The following LMAN2L variants were observed in gnomAD, a reference collection of about 807,000 sequenced individuals.
The protein encoded by LMAN2L is lectin, mannose binding 2 like, also known as VIP36-like protein.
LMAN2L carries 30 observed loss-of-function variants against 44.3 expected under a neutral mutation model. The observed-to-expected ratio is 0.68, with a 90% confidence interval of 0.51 to 0.92. LMAN2L has a LOEUF of 0.92. Among genes scored for constraint, LMAN2L ranks in the 40% least tolerant of loss-of-function variants. The pLI is 0.00. For synonymous variants in LMAN2L, 183 were observed against 171.1 expected, an observed-to-expected ratio of 1.07 and a Z score of -0.54; for missense variants, 429 against 446.1, an observed-to-expected ratio of 0.96 and a Z score of 0.35.
intron 4 of LMAN2L, among the ~76,000 whole-genome samples, chr2:96,725,790 G>T (rs535320866): frequency 6.6e-6 from 1 of 151,876 alleles, no homozygotes; most frequent in African/African-American, 2.4e-5. Flanking sequence ...CACTGCAAAT[G>T]GAGTTGTTTT....
At chr2:96,716,175 T>A (rs1435248155) in intron 4 of LMAN2L, among the ~76,000 whole-genome samples, 1 of 152,226 alleles carries the variant, frequency 6.6e-6, no homozygotes, top group Non-Finnish European at 1.5e-5. Context: ...GTATTAGATT[T>A]GGCTTCTTTT....
chr2:96,713,402 GGGGTCCCCTA>G (rs2077970531), intron 4 of LMAN2L, among the ~76,000 whole-genome samples: 1 of 152,084 alleles, frequency 6.6e-6, no homozygotes, highest in African/African-American at 2.4e-5. Context: ...GATTCTCAAA[GGGGTCCCCTA>G]GGAAGACCGC....
chr2:96,712,017 G>A lies in LMAN2L; in HGVS notation c.516C>T (p.Phe172=). The change falls in exon 5 of 8, where the codon TTC becomes TTT. Residue 172 remains phenylalanine, a synonymous_variant. Coordinates refer to ENST00000264963, the MANE Select transcript of LMAN2L (RefSeq NM_030805.4). ...PNEEKQQERV[F]PYISAMVNNG... is the part of the protein sequence containing the mutation. ...TGTTCACCATGGCTGAGATGTAGGG[G>A]AATACCCGCTGGAAAGCAGAGAGGG... The A allele has an allele frequency of 6.2e-7, 1 of 1,614,148 alleles. No homozygotes were observed. The highest frequency in any genetic ancestry group is 8.5e-7 in the Non-Finnish European group (1 of 1,180,028).
rs1418422363 is a variant in LMAN2L at position 96,738,054 on chromosome 2, G to A, written c.201C>T (p.Gly67=). ...LSKPYQGVGT[G]SSSLWNLMGN... is the part of the protein sequence containing the mutation. Reference sequence around the variant, plus strand: ...CCATCAGATTCCACAGTGAGGAACTGCCTGTGCCCACACCTACAGGAAGGA... The same window carrying A: ...CCATCAGATTCCACAGTGAGGAACTACCTGTGCCCACACCTACAGGAAGGA... The change falls in exon 2 of 8, where the codon GGC becomes GGT. Residue 67 remains glycine, a synonymous_variant. Transcript: ENST00000264963. 3 of 1,612,248 alleles carry A rather than the reference G, an allele frequency of 1.9e-6. No individual in the cohort carries two copies. The highest frequency in any genetic ancestry group is 2.2e-5 in the East Asian group (1 of 44,864).
chr2:96,707,104 G>A lies in LMAN2L; in HGVS notation c.*152C>T, dbSNP rs562372979. ...TCCCCATGCACAACCATGGGAATGC[G>A]GGGTCCCTGCATTCAAAACTCCAGT... On this transcript the variant is annotated 3_prime_UTR_variant, in exon 8 of 8. Coordinates refer to ENST00000264963, the MANE Select transcript of LMAN2L (RefSeq NM_030805.4). The A allele has an allele frequency of 1.4e-4, 99 of 685,326 alleles. 1 individual carries two copies. The highest frequency in any genetic ancestry group is 1.2e-3 in the South Asian group (49 of 41,744). The allele number at this position is 685,326 out of a possible 1,614,324, so 42.5% of individuals were successfully genotyped here. A position where few individuals can be genotyped will look rare whatever the true frequency, so the allele number is the denominator to read the frequency against.
At chr2:96,731,533 C>T (rs999518662) in intron 4 of LMAN2L, among the ~76,000 whole-genome samples, 1 of 151,986 alleles carries the variant, frequency 6.6e-6, no homozygotes, top group African/African-American at 2.4e-5. Context: ...ATAATCCCAG[C>T]TACTCAGGAG....
intron 6 of LMAN2L, among the ~76,000 whole-genome samples, chr2:96,708,035 C>T (rs2077823884): frequency 6.6e-6 from 1 of 152,234 alleles, no homozygotes; most frequent in Non-Finnish European, 1.5e-5. Flanking sequence ...AAGTTTTTAT[C>T]AACAAGCATG....
chr2:96,713,220 G>T, intron 4 of LMAN2L: 1 of 1,222,912 alleles, frequency 8.2e-7, no homozygotes, highest in African/African-American at 1.5e-5. Flanking sequence ...CACAGCCACA[G>T]AAGAGCTATG....
intron 2 of LMAN2L, 63 bp downstream of exon 2, chr2:96,737,886 T>G: frequency 4.4e-6 from 4 of 903,532 alleles, no homozygotes; most frequent in Middle Eastern, 2.1e-4. Flanking sequence ...TAAATCAGTA[T>G]GCCACTGCTG....
intron 7 of LMAN2L, 118 bp from the exon 8 acceptor site, chr2:96,707,516 T>C (rs2077811035): frequency 4.6e-6 from 6 of 1,301,516 alleles, no homozygotes; most frequent in Non-Finnish European, 5.2e-6. Flanking sequence ...AGCCAGAGCT[T>C]AGACCCCCTC....
intron 6 of LMAN2L, among the ~76,000 whole-genome samples, chr2:96,708,104 T>C (rs2077825690): frequency 6.6e-6 from 1 of 152,268 alleles, no homozygotes; most frequent in African/African-American, 2.4e-5. Context: ...TTTCCAACTT[T>C]ATGATGGTGT....
At chr2:96,727,672 C>A (rs1040304212) in intron 4 of LMAN2L, among the ~76,000 whole-genome samples, 1 of 152,148 alleles carries the variant, frequency 6.6e-6, no homozygotes, top group Admixed American at 6.6e-5. Context: ...TGTGGACTCT[C>A]GTGACAAGGA....
At chr2:96,729,908 C>T (rs1436936538) in intron 4 of LMAN2L, among the ~76,000 whole-genome samples, 4 of 152,150 alleles carry the variant, frequency 2.6e-5, no homozygotes, top group African/African-American at 7.2e-5. Context: ...AAGAGGAAGG[C>T]TGCCTAGACT....
At position 96,706,727 on chromosome 2, in the gene LMAN2L, GA is replaced by G. The variant is rs1169838524; in HGVS notation, c.*528del. 1.3e-5 allele frequency: 2 copies of G among 152,386 alleles called. No individual in the cohort carries two copies. The highest frequency in any genetic ancestry group is 4.8e-5 in the African/African-American group (2 of 41,448). The allele number at this position is 152,386 out of a possible 1,614,324, so 9.4% of individuals were successfully genotyped here. On this transcript the variant is annotated 3_prime_UTR_variant, in exon 8 of 8. Transcript: ENST00000264963. ...TCAGGTTGCACACAGAGAGGACAAT[GA>G]ATGGAGTGAAAGGAAGGTAAGGCAG...
intron 2 of LMAN2L, among the ~76,000 whole-genome samples, chr2:96,735,362 T>C (rs947274350): frequency 2.6e-5 from 4 of 152,178 alleles, no homozygotes; most frequent in African/African-American, 9.7e-5. Context: ...GCTAGATCAT[T>C]TTCAGTTTTC....
intron 4 of LMAN2L, among the ~76,000 whole-genome samples, chr2:96,715,609 C>T (rs2078024581): frequency 6.6e-6 from 1 of 152,186 alleles, no homozygotes; most frequent in African/African-American, 2.4e-5. Context: ...GAAACTCTCA[C>T]CTGTTTTATC....
intron 4 of LMAN2L, among the ~76,000 whole-genome samples, chr2:96,721,645 AT>A (rs1015162000): frequency 4.6e-5 from 7 of 151,082 alleles, no homozygotes; most frequent in African/African-American, 1.7e-4. Flanking sequence ...GGACCAGCTA[AT>A]TTTTTTTGTT....
chr2:96,707,825 C>T lies in LMAN2L; in HGVS notation c.793G>A (p.Asp265Asn), dbSNP rs377695164. 1.2e-6 allele frequency: 2 copies of T among 1,613,404 alleles called. No individual in the cohort carries two copies. Among genetic ancestry groups the T allele is most frequent in the South Asian group, 2.2e-5 (2 of 90,974 alleles). The change falls in exon 7 of 8, where the codon GAT becomes AAT. Residue 265 changes from aspartate (D) to asparagine (N), a missense_variant. Coordinates refer to ENST00000264963, the MANE Select transcript of LMAN2L (RefSeq NM_030805.4). ...SITGDLSDNH[D>N]VISLKLFELT... ...TCAAACAACTTCAAGGAAATGACAT[C>T]ATGATTATCTGAAGAAAAATGGAAG...
chr2:96,717,479 C>G (rs1212710750), intron 4 of LMAN2L, among the ~76,000 whole-genome samples: 3 of 147,150 alleles, frequency 2.0e-5, no homozygotes, highest in African/African-American at 7.6e-5. Flanking sequence ...CTACACTAAG[C>G]TGTGATTGTG....
Sources: gnomAD v4.1 joint callset for allele counts (sites outside exome capture counted in the v4.1 genomes callset) on GRCh38, gnomAD v4.1.1 for gene constraint, MANE v1.5 for transcripts, NCBI Gene and HGNC (gene_info 2026-07-23, HGNC 2026-07-21) for gene names.